The following PTPRD variants were observed in gnomAD, a reference collection of about 807,000 sequenced individuals.
PTPRD encodes receptor-type tyrosine-protein phosphatase delta.
PTPRD carries 34 observed loss-of-function variants against 214.5 expected under a neutral mutation model. That is an observed-to-expected ratio of 0.16 (90% confidence interval 0.12 to 0.21). PTPRD has a LOEUF of 0.21. PTPRD is among the 10% of genes least tolerant of loss of function. The pLI, the probability that PTPRD is intolerant of heterozygous loss-of-function variation, is 1.00. For missense variants in PTPRD, 2,545 were observed against 2,398.7 expected (o/e 1.06, Z -1.27); for synonymous variants, 1,128 against 845.7 (o/e 1.33, Z -5.79).
intron 10 of PTPRD, among the ~76,000 whole-genome samples, chr9:9,114,174 A>G (rs1031977364): frequency 2.6e-5 from 4 of 152,150 alleles, no homozygotes; most frequent in Non-Finnish European, 5.9e-5. Context: ...CAGGCCAATC[A>G]TGTTGCCTTT....
At chr9:8,676,427 G>C (rs1425800874) in intron 12 of PTPRD, among the ~76,000 whole-genome samples, 1 of 146,746 alleles carries the variant, frequency 6.8e-6, no homozygotes, top group East Asian at 2.0e-4. Context: ...GTGTTGTCCA[G>C]GCTGTGGTGC....
At chr9:10,555,226 C>T (rs1024158164) in intron 2 of PTPRD, among the ~76,000 whole-genome samples, 7 of 152,064 alleles carry the variant, frequency 4.6e-5, no homozygotes, top group South Asian at 2.1e-4. Context: ...TTTTACATAG[C>T]TAAAACCAAG....
At chr9:10,415,317 C>CAT (rs1007800098) in intron 2 of PTPRD, among the ~76,000 whole-genome samples, 1 of 151,698 alleles carries the variant, frequency 6.6e-6, no homozygotes, top group Admixed American at 6.6e-5. Flanking sequence ...CACACACACA[C>CAT]ATATATATGT....
chr9:9,394,939 G>A (rs2067216338), intron 9 of PTPRD, among the ~76,000 whole-genome samples: 1 of 152,016 alleles, frequency 6.6e-6, no homozygotes, highest in African/African-American at 2.4e-5. Context: ...GGAATGCAGT[G>A]AAATCAAATG....
At chr9:9,689,427 A>G (rs1284920895) in intron 7 of PTPRD, among the ~76,000 whole-genome samples, 1 of 151,864 alleles carries the variant, frequency 6.6e-6, no homozygotes, top group African/African-American at 2.4e-5. Flanking sequence ...GTAACTTTTG[A>G]TGCATTTATA....
At chr9:9,919,406 T>A (rs1296139379) in intron 5 of PTPRD, among the ~76,000 whole-genome samples, 1 of 152,126 alleles carries the variant, frequency 6.6e-6, no homozygotes, top group South Asian at 2.1e-4. Flanking sequence ...TTTCAACTCA[T>A]GTGCCATTTT....
At chr9:9,152,526 G>A (rs1313829840) in intron 10 of PTPRD, among the ~76,000 whole-genome samples, 1 of 152,106 alleles carries the variant, frequency 6.6e-6, no homozygotes, top group African/African-American at 2.4e-5. Flanking sequence ...TAATGGTAAA[G>A]ACAAATATGT....
At chr9:8,614,860 A>G (rs921329794) in intron 14 of PTPRD, among the ~76,000 whole-genome samples, 1 of 152,090 alleles carries the variant, frequency 6.6e-6, no homozygotes, top group Non-Finnish European at 1.5e-5. Flanking sequence ...ACAAAAAGTA[A>G]TCTACATATG....
intron 4 of PTPRD, among the ~76,000 whole-genome samples, chr9:9,975,661 A>G (rs1393583466): frequency 6.6e-6 from 1 of 152,184 alleles, no homozygotes; most frequent in Non-Finnish European, 1.5e-5. Flanking sequence ...ACCTACTAAA[A>G]TACACACCAC....
At chr9:9,262,186 T>C (rs1235702725) in intron 9 of PTPRD, among the ~76,000 whole-genome samples, 1 of 151,548 alleles carries the variant, frequency 6.6e-6, no homozygotes, top group Non-Finnish European at 1.5e-5. Context: ...ATACTTCTTT[T>C]AAAAATATTT....
chr9:8,666,101 T>C (rs959387692), intron 12 of PTPRD, among the ~76,000 whole-genome samples: 1 of 152,106 alleles, frequency 6.6e-6, no homozygotes, highest in African/African-American at 2.4e-5. Flanking sequence ...TACAGCTTTG[T>C]ATTGTAAAAG....
At chr9:9,795,226 G>C (rs1448243732) in intron 5 of PTPRD, among the ~76,000 whole-genome samples, 1 of 152,196 alleles carries the variant, frequency 6.6e-6, no homozygotes, top group Non-Finnish European at 1.5e-5. Flanking sequence ...TTGGAGATCT[G>C]GATAGAGAAA....
intron 3 of PTPRD, among the ~76,000 whole-genome samples, chr9:10,310,737 T>C (rs1287907678): frequency 6.6e-6 from 1 of 152,124 alleles, no homozygotes; most frequent in Admixed American, 6.6e-5. Context: ...TATGCATTCC[T>C]GAATAGACAC....
chr9:10,304,236 T>C lies in PTPRD; in HGVS notation c.-545+36727A>G, dbSNP rs915000819. On this transcript the variant is annotated intron_variant, in intron 3 of 45. Coordinates refer to ENST00000381196, the MANE Select transcript of PTPRD (RefSeq NM_002839.4). ...CAGCCCTTCATGCAAAAACTCTCAA[T>C]ACGCTAGGTACTGACGGAATGTATC... 3.9e-4 allele frequency among the ~76,000 whole-genome samples: 60 copies of C among 152,244 alleles called. 1 individual carries two copies. Among genetic ancestry groups the C allele is most frequent in the African/African-American group, 1.4e-3 (58 of 41,558 alleles).
chr9:9,811,564 A>G (rs902251997), intron 5 of PTPRD, among the ~76,000 whole-genome samples: 1 of 151,904 alleles, frequency 6.6e-6, no homozygotes, highest in Admixed American at 6.6e-5. Context: ...AAAATTAGCC[A>G]GGTGTGGTGG....
At chr9:9,492,051 A>C (rs561952105) in intron 8 of PTPRD, among the ~76,000 whole-genome samples, 1 of 151,994 alleles carries the variant, frequency 6.6e-6, no homozygotes, top group Non-Finnish European at 1.5e-5. Context: ...TGAGAAATGA[A>C]AGTGGGGGCA....
chr9:9,945,945 A>G (rs1209214763), intron 4 of PTPRD, among the ~76,000 whole-genome samples: 1 of 145,314 alleles, frequency 6.9e-6, no homozygotes, highest in East Asian at 2.1e-4. Context: ...CTATTATTGT[A>G]AAATTTAAAA....
chr9:9,917,693 A>G (rs953269145), intron 5 of PTPRD, among the ~76,000 whole-genome samples: 3 of 152,042 alleles, frequency 2.0e-5, no homozygotes, highest in Non-Finnish European at 4.4e-5. Context: ...AAAGTCTTAA[A>G]CAAAATACTA....
intron 2 of PTPRD, among the ~76,000 whole-genome samples, chr9:10,579,553 T>G (rs367614305): frequency 2.0e-5 from 3 of 152,204 alleles, no homozygotes; most frequent in Admixed American, 2.0e-4. Context: ...TCTTTTCTAT[T>G]GTCAGTAGTA....
Sources: gnomAD v4.1 joint callset for allele counts (sites outside exome capture counted in the v4.1 genomes callset) on GRCh38, gnomAD v4.1.1 for gene constraint, MANE v1.5 for transcripts, NCBI Gene and HGNC (gene_info 2026-07-23, HGNC 2026-07-21) for gene names.